HBP1: variants seen among roughly 807,000 people sequenced by gnomAD.
HBP1 encodes HMG box-containing protein 1.
Under a neutral mutation model 62.6 loss-of-function variants are expected in HBP1, and 20 were observed. That is an observed-to-expected ratio of 0.32 (90% CI 0.22 to 0.46). The LOEUF (loss-of-function observed/expected upper bound fraction) is 0.46. Among genes scored for constraint, HBP1 ranks in the 20% least tolerant of loss-of-function variants. The probability of loss-of-function intolerance (pLI) is 1.00; values close to 1 mark genes in which losing one functional copy is unlikely to be tolerated. For synonymous variants in HBP1, 232 were observed against 206.2 expected, an observed-to-expected ratio of 1.12 and a Z score of -1.07; for missense variants, 480 against 611.8, an observed-to-expected ratio of 0.78 and a Z score of 2.27.
At chr7:107,179,798 T>C in intron 1 of HBP1, 81 bp from the exon 2 acceptor site, 1 of 836,694 alleles carries the variant, frequency 1.2e-6, no homozygotes, top group Non-Finnish European at 1.9e-6. Flanking sequence ...AACATTGTCA[T>C]GTCTCTGATT....
At chr7:107,171,510 A>G (rs968196960) in intron 1 of HBP1, among the ~76,000 whole-genome samples, 1 of 151,958 alleles carries the variant, frequency 6.6e-6, no homozygotes, top group Admixed American at 6.6e-5. Context: ...GGTGTTTTGT[A>G]TATGTGTTTG....
At chr7:107,195,539 A>T (rs1200581510) in intron 8 of HBP1, among the ~76,000 whole-genome samples, 1 of 152,206 alleles carries the variant, frequency 6.6e-6, no homozygotes, top group African/African-American at 2.4e-5. Context: ...GTTACTTGCT[A>T]TGAATAAAGT....
At chr7:107,184,063 A>G (rs1424142831) in intron 3 of HBP1, among the ~76,000 whole-genome samples, 1 of 152,228 alleles carries the variant, frequency 6.6e-6, no homozygotes, top group African/African-American at 2.4e-5. Context: ...TATACATTTT[A>G]GAATATCACA....
At position 107,180,016 on chromosome 7, in the gene HBP1, G is replaced by A; in HGVS notation, c.123G>A (p.Leu41=). ...AGTTGCTGCAGTGTAATGAGAATTTGCCATCTTCACCTGGATATAACTCCT... is the reference window on the plus strand; with the variant it reads ...AGTTGCTGCAGTGTAATGAGAATTTACCATCTTCACCTGGATATAACTCCT... ...SLELLQCNEN[L]PSSPGYNSCD... is the part of the protein sequence containing the mutation. The change falls in exon 2 of 11, where the codon TTG becomes TTA. Residue 41 remains leucine, a synonymous_variant. Coordinates refer to ENST00000222574, the MANE Select transcript of HBP1 (RefSeq NM_012257.4). The A allele has an allele frequency of 6.2e-7, 1 of 1,608,060 alleles. No homozygotes were observed. The highest frequency in any genetic ancestry group is 8.5e-7 in the Non-Finnish European group (1 of 1,175,140).
rs1797386045 is a variant in HBP1, at chr7:107,186,591, G to A, written c.675G>A (p.Lys225=). The A allele has an allele frequency of 1.2e-6, 2 of 1,612,218 alleles. No homozygotes were observed. The highest frequency in any genetic ancestry group is 1.3e-5 in the African/African-American group (1 of 74,888). Residue 225 remains lysine, a synonymous_variant, in exon 6 of 11, where the codon AAG becomes AAA. Coordinates refer to ENST00000222574, the MANE Select transcript of HBP1 (RefSeq NM_012257.4). ...TAGGCACACGACTGTGCTTTCATAAGGGAAGCAATAAGGAATGGCAAGATG... is the reference window on the plus strand; with the variant it reads ...TAGGCACACGACTGTGCTTTCATAAAGGAAGCAATAAGGAATGGCAAGATG... The part of the protein sequence containing the change: ...FLKGTRLCFH[K]GSNKEWQDVE...
chr7:107,181,480 A>T (rs6973472), intron 2 of HBP1, among the ~76,000 whole-genome samples: 64,964 of 148,722 alleles, frequency 0.44, 14,190 homozygotes, highest in Non-Finnish European at 0.48. Flanking sequence ...TCAAAAAAAA[A>T]TTTTTTTTTT....
intron 8 of HBP1, among the ~76,000 whole-genome samples, chr7:107,194,138 A>G (rs571809831): frequency 2.2e-4 from 33 of 152,308 alleles, no homozygotes; most frequent in African/African-American, 7.7e-4. Context: ...AAGATACTCT[A>G]TGTCATTACT....
chr7:107,188,614 A>G (rs917034865), intron 6 of HBP1, among the ~76,000 whole-genome samples: 3 of 152,222 alleles, frequency 2.0e-5, no homozygotes, highest in African/African-American at 7.2e-5. Context: ...TAAATGCTCA[A>G]TATTCATTGA....
chr7:107,172,998 T>C (rs1212648737), intron 1 of HBP1, among the ~76,000 whole-genome samples: 1 of 152,228 alleles, frequency 6.6e-6, no homozygotes, highest in African/African-American at 2.4e-5. Context: ...ACGAATCCAC[T>C]AAGGGTTTTT....
chr7:107,170,909 C>T (rs1796524412), intron 1 of HBP1, among the ~76,000 whole-genome samples: 1 of 145,858 alleles, frequency 6.9e-6, no homozygotes, highest in Non-Finnish European at 1.5e-5. Flanking sequence ...TTGTTTTCTT[C>T]ACTATATACA....
intron 6 of HBP1, among the ~76,000 whole-genome samples, chr7:107,187,561 G>T (rs1486475983): frequency 6.6e-6 from 1 of 152,096 alleles, no homozygotes; most frequent in African/African-American, 2.4e-5. Context: ...TTTTGATCCT[G>T]CTATGTCTCA....
chr7:107,179,897 G>T lies in HBP1; in HGVS notation c.4G>T (p.Val2Leu). 1 of 1,587,876 alleles carries T rather than the reference G, an allele frequency of 6.3e-7. No homozygotes were observed. Among genetic ancestry groups the T allele is most frequent in the Non-Finnish European group, 8.6e-7 (1 of 1,159,070 alleles). M[V>L]WEVKTNQMPN... Reference sequence around the variant, plus strand: ...TTTTAAGTCAGAGCACCATAACATGGTGTGGGAAGTGAAGACAAATCAGAT... The same window carrying T: ...TTTTAAGTCAGAGCACCATAACATGTTGTGGGAAGTGAAGACAAATCAGAT... The change falls in exon 2 of 11, where the codon GTG (valine) becomes TTG (leucine). Residue 2 changes from valine (V) to leucine (L), a missense_variant. By Grantham distance (32) the Val-to-Leu change is conservative. Transcript: ENST00000222574.
At chr7:107,181,974 CAG>C (rs1375208969) in intron 2 of HBP1, among the ~76,000 whole-genome samples, 7 of 152,090 alleles carry the variant, frequency 4.6e-5, no homozygotes, top group Admixed American at 3.9e-4. Flanking sequence ...TACTTTAACA[CAG>C]AGTTGTGTAA....
chr7:107,184,785 A>G (rs1263785544), intron 3 of HBP1, among the ~76,000 whole-genome samples: 3 of 152,164 alleles, frequency 2.0e-5, no homozygotes, highest in Non-Finnish European at 4.4e-5. Flanking sequence ...GCTGGGTGGG[A>G]TTACAGGCAT....
At position 107,201,848 on chromosome 7, in the gene HBP1, C is replaced by T. The variant is rs1798341460; in HGVS notation, c.*417C>T. The T allele has an allele frequency of 6.4e-6, 1 of 155,478 alleles. No homozygotes were observed. Among genetic ancestry groups the T allele is most frequent in the South Asian group, 2.0e-4 (1 of 4,940 alleles). The allele number at this position is 155,478 out of a possible 1,614,324, so 9.6% of individuals were successfully genotyped here. On this transcript the variant is annotated 3_prime_UTR_variant, in exon 11 of 11. Coordinates refer to ENST00000222574, the MANE Select transcript of HBP1 (RefSeq NM_012257.4). ...TTACTGCTTATTAATCTGTATTGTA[C>T]ACATGATGAAATGAAGCAGAAGCTG...
intron 1 of HBP1, among the ~76,000 whole-genome samples, chr7:107,171,046 A>AATATATATATAT (rs374693805): frequency 9.9e-5 from 6 of 60,506 alleles, no homozygotes; most frequent in Non-Finnish European, 1.6e-4. Flanking sequence ...TACATGTATA[A>AATATATATATAT]ATATATATAT....
Position 107,202,518 on chromosome 7 carries a change from G to GAA in HBP1, c.*1087_*1088insAA, listed in dbSNP as rs886061868. 2 of 152,354 alleles carry GAA rather than the reference G, an allele frequency of 1.3e-5. No homozygotes were observed. The highest frequency in any genetic ancestry group is 2.9e-5 in the Non-Finnish European group (2 of 68,000). The allele number at this position is 152,354 out of a possible 1,614,324, so 9.4% of individuals were successfully genotyped here. On this transcript the variant is annotated 3_prime_UTR_variant, in exon 11 of 11. Coordinates refer to ENST00000222574, the MANE Select transcript of HBP1 (RefSeq NM_012257.4). ...TTTCAAATAAATGGAAAAAAAAGTTGCTTATCTCTGACGTCTACTGATTGA... is the reference window on the plus strand; with the variant it reads ...TTTCAAATAAATGGAAAAAAAAGTTGAACTTATCTCTGACGTCTACTGATTGA...
chr7:107,192,663 TTGCC>T (rs200940793), intron 8 of HBP1: 2,004 of 152,278 alleles, frequency 0.013, 49 homozygotes, highest in African/African-American at 0.045. Context: ...AAGGGAAAAC[TTGCC>T]TGCCTAATTC....
intron 7 of HBP1, among the ~76,000 whole-genome samples, 164 bp downstream of exon 7, chr7:107,189,612 G>A (rs139452945): frequency 1.3e-5 from 2 of 152,266 alleles, no homozygotes; most frequent in East Asian, 1.9e-4. Context: ...ACCTAATGGT[G>A]CGTAAGTATC....
Sources: allele counts gnomAD v4.1 joint callset (sites outside exome capture counted in the v4.1 genomes callset), GRCh38; gene constraint gnomAD v4.1.1; transcripts MANE v1.5; gene names NCBI Gene and HGNC (gene_info 2026-07-23, HGNC 2026-07-21).